The following ALKAL2 variants were observed in gnomAD, a reference collection of about 807,000 sequenced individuals.
ALKAL2 encodes the protein ALK and LTK ligand 2.
In ALKAL2, 8 loss-of-function variants were observed where a neutral mutation model predicts 18.5. That is an observed-to-expected ratio of 0.43 (90% CI 0.25 to 0.78). The LOEUF (loss-of-function observed/expected upper bound fraction) is 0.78, where lower values mean the gene tolerates loss of function less well. Ranked by LOEUF, ALKAL2 falls within the 30% of genes least tolerant of loss-of-function variation. The pLI is 0.22. For synonymous variants in ALKAL2, 135 were observed against 95.8 expected, an observed-to-expected ratio of 1.41 and a Z score of -2.39; for missense variants, 241 against 211.2, an observed-to-expected ratio of 1.14 and a Z score of -0.88.
chr2:287,844 C>T lies in ALKAL2; in HGVS notation c.-9G>A, dbSNP rs1670580483. On this transcript the variant is annotated 5_prime_UTR_variant, in exon 2 of 6. Transcript: ENST00000403610. ...TGCCCGGGTCCGCGCATCGTGCGCT[C>T]GGGGCCGCGGGGCTGGGAGACTCCG... 3 of 1,298,940 alleles carry T rather than the reference C, an allele frequency of 2.3e-6. No homozygotes were observed. The highest frequency in any genetic ancestry group is 9.7e-7 in the Non-Finnish European group (1 of 1,032,098). The allele number at this position is 1,298,940 out of a possible 1,614,324, so 80.5% of individuals were successfully genotyped here.
rs887974366 is a variant in ALKAL2, at chr2:280,049, T to C, written c.*98A>G. The C allele has an allele frequency of 7.3e-7, 1 of 1,368,006 alleles. No individual in the cohort carries two copies. Among genetic ancestry groups the C allele is most frequent in the African/African-American group, 1.4e-5 (1 of 70,034 alleles). The allele number at this position is 1,368,006 out of a possible 1,614,324, so 84.7% of individuals were successfully genotyped here. On this transcript the variant is annotated 3_prime_UTR_variant, in exon 6 of 6. Transcript: ENST00000403610. The stretch of plus-strand genomic sequence containing the variant: ...GAGTCTGTCTGCAAAAATAAATCTC[T>C]TGTCCATGAGGGGATGTGTATAAAG...
intron 5 of ALKAL2, among the ~76,000 whole-genome samples, chr2:281,058 C>T (rs1670324530): frequency 6.6e-6 from 1 of 152,234 alleles, no homozygotes; most frequent in South Asian, 2.1e-4. Flanking sequence ...CCTGCCCTGC[C>T]CTCTGGTGTC....
chr2:283,505 C>A, intron 4 of ALKAL2: 2 of 985,458 alleles, frequency 2.0e-6, no homozygotes, highest in Non-Finnish European at 2.4e-6. Context: ...ACGTGACAAT[C>A]CTTCCGTACC....
rs1023151733 is a variant in ALKAL2 at position 287,646 on chromosome 2, G to T, written c.190C>A (p.Arg64=). 8.5e-5 allele frequency: 126 copies of T among 1,481,692 alleles called. No homozygotes were observed. The highest frequency in any genetic ancestry group is 3.5e-4 in the Admixed American group (15 of 43,068). 91.8% of individuals were successfully genotyped at this position (1,481,692 alleles called of 1,614,324 possible). Residue 64 remains arginine, a synonymous_variant, in exon 2 of 6, where the codon CGG becomes AGG. Transcript: ENST00000403610. ...AEHKGLQLLG[R]DCALGRAEAA... ...TCCGCGCGGCCCAGGGCGCAGTCCCGCCCGAGGAGCTGCAGGCCCTTGTGC... is the reference window on the plus strand; with the variant it reads ...TCCGCGCGGCCCAGGGCGCAGTCCCTCCCGAGGAGCTGCAGGCCCTTGTGC...
intron 4 of ALKAL2, 149 bp from the exon 5 acceptor site, chr2:283,324 C>A: frequency 4.2e-6 from 6 of 1,430,022 alleles, no homozygotes; most frequent in Non-Finnish European, 5.5e-6. Flanking sequence ...TGCAGGCATG[C>A]ATTCTAAGTT....
At chr2:283,560 G>A (rs766273834) in intron 4 of ALKAL2, 1 of 985,398 alleles carries the variant, frequency 1.0e-6, no homozygotes, top group Non-Finnish European at 1.2e-6. Flanking sequence ...CCCAACTTGA[G>A]TTGACCATGG....
chr2:287,722 C>T lies in ALKAL2; in HGVS notation c.114G>A (p.Leu38=). The change falls in exon 2 of 6, where the codon CTG becomes CTA. Residue 38 remains leucine (L), a synonymous_variant. Coordinates refer to ENST00000403610, the MANE Select transcript of ALKAL2 (RefSeq NM_001002919.3). ...PREPADGQAL[L]RLVVELVQEL... The stretch of plus-strand genomic sequence containing the variant: ...CCTGGACGAGTTCCACCACCAGCCG[C>T]AGCAGCGCCTGTCCGTCCGCCGGCT... The T allele has an allele frequency of 6.8e-7, 1 of 1,469,348 alleles. No homozygotes were observed. Among genetic ancestry groups the T allele is most frequent in the Admixed American group, 2.4e-5 (1 of 41,546 alleles). The allele number at this position is 1,469,348 out of a possible 1,614,324, so 91.0% of individuals were successfully genotyped here.
At chr2:287,299 G>A in intron 2 of ALKAL2, 1 of 331,140 alleles carries the variant, frequency 3.0e-6, no homozygotes, top group African/African-American at 2.1e-5. Flanking sequence ...GGAAAGCTTT[G>A]CTGGAAATGC....
chr2:287,965 G>A, intron 1 of ALKAL2, 48 bp downstream of exon 1: 9 of 1,232,124 alleles, frequency 7.3e-6, no homozygotes, highest in Non-Finnish European at 9.1e-6. Context: ...GGGCGGGGGA[G>A]GGGAGGGGAG....
Position 288,064 on chromosome 2 carries a change from C to G in ALKAL2, c.-109G>C. On this transcript the variant is annotated 5_prime_UTR_variant, in exon 1 of 6. Transcript: ENST00000403610. ...GCAGGTGAGGGAGCCGCGGTCTCCT[C>G]GACGATCACGCCCGAGGTCCCGCCC... 8.3e-7 allele frequency: 1 copy of G among 1,205,148 alleles called. No homozygotes were observed. Among genetic ancestry groups the G allele is most frequent in the Non-Finnish European group, 1.0e-6 (1 of 972,036 alleles). The allele number at this position is 1,205,148 out of a possible 1,614,324, so 74.7% of individuals were successfully genotyped here.
Position 287,769 on chromosome 2 carries a change from G to A in ALKAL2, c.67C>T (p.Arg23Trp). The A allele has an allele frequency of 7.0e-7, 1 of 1,422,632 alleles. No homozygotes were observed. Among genetic ancestry groups the A allele is most frequent in the Non-Finnish European group, 9.1e-7 (1 of 1,093,398 alleles). 88.1% of individuals were successfully genotyped at this position (1,422,632 alleles called of 1,614,324 possible). A position where few individuals can be genotyped will look rare whatever the true frequency, so the allele number is the denominator to read the frequency against. The change falls in exon 2 of 6, where the codon CGG (arginine) becomes TGG (tryptophan). Residue 23 changes from arginine (R) to tryptophan (W), a missense_variant. Physicochemically the swap from Arg to Trp is moderately radical, Grantham distance 101. Coordinates refer to ENST00000403610, the MANE Select transcript of ALKAL2 (RefSeq NM_001002919.3). Reference sequence around the variant, plus strand: ...GGCTCCCGGGGCTCCGCGCCCCCCCGGCCGCGCCCCGCCGCCCCCAGCACC... The same window carrying A: ...GGCTCCCGGGGCTCCGCGCCCCCCCAGCCGCGCCCCGCCGCCCCCAGCACC... ...LLVLGAAGRG[R>W]GGAEPREPAD...
At chr2:283,400 G>A (rs1670414227) in intron 4 of ALKAL2, 1 of 985,428 alleles carries the variant, frequency 1.0e-6, no homozygotes, top group South Asian at 4.7e-5. Context: ...GATGATGTAA[G>A]TGGGGCAGCG....
intron 4 of ALKAL2, chr2:285,898 CCTATTATTCCAATGA>C (rs1218551640): frequency 2.0e-6 from 1 of 504,924 alleles, no homozygotes; most frequent in Non-Finnish European, 3.5e-6. Context: ...ATCCCAAGAG[CCTATTATTCCAATGA>C]CTGTAAATAA....
chr2:283,556 T>G, intron 4 of ALKAL2: 1 of 985,410 alleles, frequency 1.0e-6, no homozygotes, highest in Non-Finnish European at 1.2e-6. Context: ...GAATCCCAAC[T>G]TGAGTTGACC....
At chr2:284,400 C>T (rs1670440376) in intron 4 of ALKAL2, among the ~76,000 whole-genome samples, 2 of 152,212 alleles carry the variant, frequency 1.3e-5, no homozygotes, top group Admixed American at 6.5e-5. Context: ...ACTAAAGTTC[C>T]TTCAGGTCTG....
rs201664542 is a variant in ALKAL2 at position 280,785 on chromosome 2, GC to G, written c.454-634del. Among the ~76,000 whole-genome samples the G allele has an allele frequency of 7.1e-3, 1,081 of 152,310 alleles. 15 individuals carry two copies. Among genetic ancestry groups the G allele is most frequent in the African/African-American group, 0.024 (1,014 of 41,568 alleles). On this transcript the variant is annotated intron_variant, in intron 5 of 5. Transcript: ENST00000403610. ...GTTGGTGGGGACATTGTTCTCTTTG[GC>G]CTGAGGAGGTCTATTAATGAGCTTC...
intron 5 of ALKAL2, among the ~76,000 whole-genome samples, chr2:280,893 CCTTT>C (rs1318145090): frequency 2.0e-5 from 3 of 152,234 alleles, no homozygotes; most frequent in Non-Finnish European, 4.4e-5. Flanking sequence ...AGGCTCTGGG[CCTTT>C]CTTTACAAAG....
At chr2:283,994 GC>G (rs1397471371) in intron 4 of ALKAL2, among the ~76,000 whole-genome samples, 2 of 152,136 alleles carry the variant, frequency 1.3e-5, no homozygotes, top group African/African-American at 4.8e-5. Flanking sequence ...CCTAAATATG[GC>G]ATATATTGTT....
At position 286,348 on chromosome 2, in the gene ALKAL2, T is replaced by C. The variant is rs55761841; in HGVS notation, c.254-5A>G. 10 of 1,606,984 alleles carry C rather than the reference T, an allele frequency of 6.2e-6. No individual in the cohort carries two copies. The African/African-American group carries it at 1.2e-4, about 19-fold the overall frequency. ...TCAGATCTCGAGGAACAATTTCTGT[T>C]TCAGGGAAAAGAAAGTATTATATTA... On this transcript the variant is annotated splice_polypyrimidine_tract_variant and splice_region_variant and intron_variant, in intron 2 of 5. Transcript: ENST00000403610.
Sources: allele counts gnomAD v4.1 joint callset (sites outside exome capture counted in the v4.1 genomes callset), GRCh38; gene constraint gnomAD v4.1.1; transcripts MANE v1.5; gene names NCBI Gene and HGNC (gene_info 2026-07-23, HGNC 2026-07-21).